The following WDR88 variants were observed in gnomAD, a reference collection of about 807,000 sequenced individuals.
The protein encoded by WDR88 is WD repeat-containing protein 88.
WDR88 carries 40 observed loss-of-function variants against 46.8 expected under a neutral mutation model. The observed-to-expected ratio is 0.86, with a 90% CI of 0.66 to 1.11. The LOEUF (loss-of-function observed/expected upper bound fraction) is 1.11, where lower values mean the gene tolerates loss of function less well. Ranked by LOEUF, WDR88 falls within the 50% of genes most tolerant of loss-of-function variation. The probability of loss-of-function intolerance (pLI) is 0.00; values close to 1 mark genes in which losing one functional copy is unlikely to be tolerated. For missense variants in WDR88, 562 were observed against 602.4 expected, an observed-to-expected ratio of 0.93 and a Z score of 0.70; for synonymous variants, 235 against 240.7, an observed-to-expected ratio of 0.98 and a Z score of 0.22.
chr19:33,147,786 C>T (rs1048716570), intron 4 of WDR88, 78 bp downstream of exon 4: 1 of 1,345,948 alleles, frequency 7.4e-7, no homozygotes. Context: ...TGGGTTGGAC[C>T]CTGGGTAGGG....
At chr19:33,163,097 G>A (rs918340842) in intron 8 of WDR88, among the ~76,000 whole-genome samples, 4 of 152,138 alleles carry the variant, frequency 2.6e-5, no homozygotes, top group African/African-American at 9.7e-5. Flanking sequence ...ACTTTGGGAG[G>A]CCGAGGCAGG....
At chr19:33,162,600 G>A (rs1764283880) in intron 8 of WDR88, among the ~76,000 whole-genome samples, 1 of 152,034 alleles carries the variant, frequency 6.6e-6, no homozygotes, top group South Asian at 2.1e-4. Flanking sequence ...TATTGGAAGC[G>A]AAAAGCCCCC....
chr19:33,161,086 T>C (rs2145409616), intron 8 of WDR88, among the ~76,000 whole-genome samples: 1 of 152,130 alleles, frequency 6.6e-6, no homozygotes, highest in Middle Eastern at 3.4e-3. Context: ...GGTGGGAGGA[T>C]CGCTTGAACC....
chr19:33,175,756 C>A lies in WDR88; in HGVS notation c.*184C>A. 2 of 618,780 alleles carry A rather than the reference C, an allele frequency of 3.2e-6. No homozygotes were observed. Among genetic ancestry groups the A allele is most frequent in the Non-Finnish European group, 5.6e-6 (2 of 355,192 alleles). 38.3% of individuals were successfully genotyped at this position (618,780 alleles called of 1,614,324 possible). Reference sequence around the variant, plus strand: ...CTCAGCTCTCAGCTTGGGGAGTGAACACTTTCCGTTTTCATGCAGAATAAA... The same window carrying A: ...CTCAGCTCTCAGCTTGGGGAGTGAAAACTTTCCGTTTTCATGCAGAATAAA... On this transcript the variant is annotated 3_prime_UTR_variant, in exon 11 of 11. Coordinates refer to ENST00000355868, the MANE Select transcript of WDR88 (RefSeq NM_173479.4).
intron 8 of WDR88, 101 bp from the exon 9 acceptor site, chr19:33,164,096 A>G: frequency 8.8e-7 from 1 of 1,133,640 alleles, no homozygotes; most frequent in Non-Finnish European, 1.3e-6. Flanking sequence ...CGGCTTCCCA[A>G]AAGGCAGGTT....
At position 33,156,366 on chromosome 19, in the gene WDR88, A is replaced by G. The variant is rs1287925072; in HGVS notation, c.821A>G (p.Asn274Ser). Residue 274 changes from asparagine to serine, a missense_variant, in exon 7 of 11, where the codon AAT becomes AGT. Transcript: ENST00000355868. ...TLLTITKAHS[N>S]AISNCCFTFS... Reference sequence around the variant, plus strand: ...CATCTGTGTTTCAGGGCACATTCCAATGCAATCTCAAACTGCTGTTTTACC... The same window carrying G: ...CATCTGTGTTTCAGGGCACATTCCAGTGCAATCTCAAACTGCTGTTTTACC... The G allele has an allele frequency of 6.2e-6, 10 of 1,613,956 alleles. No homozygotes were observed. Among genetic ancestry groups the G allele is most frequent in the Admixed American group, 3.3e-5 (2 of 59,986 alleles).
At chr19:33,148,171 G>GGCC (rs1401525141) in intron 4 of WDR88, among the ~76,000 whole-genome samples, 21 of 151,864 alleles carry the variant, frequency 1.4e-4, no homozygotes, top group African/African-American at 5.1e-4. Flanking sequence ...TCTTGGAGGG[G>GGCC]GTCACTCTCC....
intron 1 of WDR88, among the ~76,000 whole-genome samples, chr19:33,134,344 A>G (rs891480843): frequency 2.0e-5 from 3 of 151,774 alleles, no homozygotes; most frequent in African/African-American, 7.2e-5. Context: ...TATTTTTTAA[A>G]TTATTAATTT....
chr19:33,141,047 C>T (rs760383640), intron 2 of WDR88, among the ~76,000 whole-genome samples: 3 of 151,082 alleles, frequency 2.0e-5, no homozygotes, highest in Non-Finnish European at 4.4e-5. Flanking sequence ...AGGCATCCTC[C>T]CATCTCAGCC....
rs973885030 is a variant in WDR88, at chr19:33,148,894, C to T, written c.663C>T (p.Thr221=). The T allele has an allele frequency of 6.2e-6, 10 of 1,613,992 alleles. No individual in the cohort carries two copies. Among genetic ancestry groups the T allele is most frequent in the Middle Eastern group, 1.6e-4 (1 of 6,082 alleles). Residue 221 remains threonine, a synonymous_variant, in exon 5 of 11, where the codon ACC becomes ACT. Coordinates refer to ENST00000355868, the MANE Select transcript of WDR88 (RefSeq NM_173479.4). ...ICIMDAENIT[T]VSVIKDHHTR... ...TAATGGACGCCGAGAACATCACCAC[C>T]GTTTCCGTCATCAAAGGTGAGGGTG...
chr19:33,140,618 C>T (rs529668979), intron 2 of WDR88, among the ~76,000 whole-genome samples: 5 of 152,136 alleles, frequency 3.3e-5, no homozygotes, highest in Admixed American at 6.5e-5. Context: ...GGTGAAACCC[C>T]GTCTCTACTA....
chr19:33,170,568 T>C (rs1050137839), intron 9 of WDR88, among the ~76,000 whole-genome samples: 6 of 151,854 alleles, frequency 4.0e-5, no homozygotes, highest in African/African-American at 7.3e-5. Flanking sequence ...ATTTCTCTAA[T>C]TGAAAATCTT....
At chr19:33,157,651 ATG>A (rs1973772310) in intron 7 of WDR88, among the ~76,000 whole-genome samples, 1 of 130,710 alleles carries the variant, frequency 7.7e-6, no homozygotes, top group African/African-American at 3.0e-5. Flanking sequence ...GTGTGTGTGT[ATG>A]TATATATGTA....
At chr19:33,132,487 C>A in intron 1 of WDR88, 42 bp downstream of exon 1, 1 of 1,600,090 alleles carries the variant, frequency 6.2e-7, no homozygotes, top group South Asian at 1.1e-5. Context: ...GGCCTGTTCC[C>A]CACACGGGAG....
intron 9 of WDR88, among the ~76,000 whole-genome samples, chr19:33,167,878 T>C (rs1973979714): frequency 6.6e-6 from 1 of 151,848 alleles, no homozygotes; most frequent in South Asian, 2.1e-4. Context: ...CTCCATCTCC[T>C]GGGTTCAAGC....
rs745987290 is a variant in WDR88 at position 33,141,227 on chromosome 19, G to GTTTTTTTTTTTTTTTTTTTTT, written c.387+3453_387+3454insTTTTTTTTTTTTTTTTTTTTT. Among the ~76,000 whole-genome samples, 229 of 113,370 alleles carry GTTTTTTTTTTTTTTTTTTTTT rather than the reference G, an allele frequency of 2.0e-3. 65 individuals carry two copies. Among genetic ancestry groups the GTTTTTTTTTTTTTTTTTTTTT allele is most frequent in the African/African-American group, 9.0e-3 (219 of 24,434 alleles). 74.4% of individuals were successfully genotyped at this position (113,370 alleles called of 152,430 possible). A position where few individuals can be genotyped will look rare whatever the true frequency, so the allele number is the denominator to read the frequency against. On this transcript the variant is annotated intron_variant, in intron 2 of 10. Coordinates refer to ENST00000355868, the MANE Select transcript of WDR88 (RefSeq NM_173479.4). ...GCTGGGATTACAGGTGTGGGAGCATGTTTTTTTTTTTTTCTTTTTTGACAC... is the reference window on the plus strand; with the variant it reads ...GCTGGGATTACAGGTGTGGGAGCATGTTTTTTTTTTTTTTTTTTTTTTTTTTTTTTTTTTCTTTTTTGACAC...
intron 3 of WDR88, among the ~76,000 whole-genome samples, chr19:33,146,058 A>C (rs1052993176): frequency 1.1e-4 from 16 of 152,106 alleles, no homozygotes; most frequent in African/African-American, 3.4e-4. Flanking sequence ...TGGGAGGCTG[A>C]GGCGGGCGGA....
rs751241166 is a variant in WDR88, at chr19:33,132,237, C to T, written c.68C>T (p.Ala23Val). 7 of 1,611,312 alleles carry T rather than the reference C, an allele frequency of 4.3e-6. No homozygotes were observed. Among genetic ancestry groups the T allele is most frequent in the East Asian group, 2.2e-5 (1 of 44,888 alleles). ...GAATGCAAGTTGCCGCCACCCTCCGCCCCCGCCAGCGAGTATTGTCCCGGC... is the reference window on the plus strand; with the variant it reads ...GAATGCAAGTTGCCGCCACCCTCCGTCCCCGCCAGCGAGTATTGTCCCGGC... ...DRECKLPPPSAPASEYCPGKL... is the reference protein window; with the variant it reads ...DRECKLPPPSVPASEYCPGKL... Residue 23 changes from alanine to valine, a missense_variant, in exon 1 of 11, where the codon GCC (alanine) becomes GTC (valine). Physicochemically the swap from Ala to Val is moderately conservative, Grantham distance 64 (BLOSUM62 0). Coordinates refer to ENST00000355868, the MANE Select transcript of WDR88 (RefSeq NM_173479.4).
Position 33,132,348 on chromosome 19 carries a change from C to G in WDR88, c.179C>G (p.Pro60Arg), listed in dbSNP as rs1973144132. 6.2e-7 allele frequency: 1 copy of G among 1,614,178 alleles called. No individual in the cohort carries two copies. Among genetic ancestry groups the G allele is most frequent in the Non-Finnish European group, 8.5e-7 (1 of 1,180,026 alleles). ...PHTHLLATLDPLALDREPPPH... is the reference protein window; with the variant it reads ...PHTHLLATLDRLALDREPPPH... ...ACGCACCTGCTGGCCACCCTCGACC[C>G]CCTGGCCTTGGACAGGGAACCACCA... Residue 60 changes from proline to arginine, a missense_variant, in exon 1 of 11, where the codon CCC becomes CGC. Transcript: ENST00000355868.
Sources: allele counts gnomAD v4.1 joint callset (sites outside exome capture counted in the v4.1 genomes callset), GRCh38; gene constraint gnomAD v4.1.1; transcripts MANE v1.5; gene names NCBI Gene and HGNC (gene_info 2026-07-23, HGNC 2026-07-21).